MGLL: variants seen among roughly 807,000 people sequenced by gnomAD.
MGLL encodes lysophospholipase homolog.
In MGLL, 7 loss-of-function variants were observed where a neutral mutation model predicts 29.1. The ratio of observed to expected loss-of-function variants is 0.24; its 90% CI spans 0.14 to 0.45. MGLL has a LOEUF of 0.45. MGLL is among the 20% of genes least tolerant of loss of function. MGLL has a pLI of 0.99. For synonymous variants in MGLL, 148 were observed against 168.3 expected (o/e 0.88, Z 0.93); for missense variants, 356 against 413.6 (o/e 0.86, Z 1.21).
chr3:127,771,851 G>A (rs1445583306), intron 3 of MGLL, among the ~76,000 whole-genome samples: 1 of 152,132 alleles, frequency 6.6e-6, no homozygotes, highest in Non-Finnish European at 1.5e-5. Context: ...AACACCAGGG[G>A]CAGCATGTAT....
chr3:127,750,068 G>A (rs1020019319), intron 3 of MGLL, among the ~76,000 whole-genome samples: 1 of 152,126 alleles, frequency 6.6e-6, no homozygotes, highest in Non-Finnish European at 1.5e-5. Context: ...CGAGGGAGGT[G>A]GGAGACACAG....
intron 3 of MGLL, among the ~76,000 whole-genome samples, chr3:127,743,572 T>TAA (rs35691902): frequency 0.14 from 5,784 of 40,724 alleles, 1,074 homozygotes; most frequent in Non-Finnish European, 0.17. Flanking sequence ...CCACTAATGC[T>TAA]AAAAAAAAAA....
intron 2 of MGLL, among the ~76,000 whole-genome samples, chr3:127,786,737 G>A (rs2077220265): frequency 6.6e-6 from 1 of 152,200 alleles, no homozygotes; most frequent in Non-Finnish European, 1.5e-5. Context: ...GTGAAGTGGG[G>A]ATAATCCTAA....
At chr3:127,799,727 A>G (rs2077444579) in intron 2 of MGLL, among the ~76,000 whole-genome samples, 2 of 152,202 alleles carry the variant, frequency 1.3e-5, no homozygotes, top group South Asian at 4.1e-4. Flanking sequence ...CAAGCAGCTC[A>G]CTACAGTAGT....
intron 3 of MGLL, among the ~76,000 whole-genome samples, chr3:127,730,687 T>C (rs555546783): frequency 6.6e-6 from 1 of 152,304 alleles, no homozygotes; most frequent in South Asian, 2.1e-4. Flanking sequence ...TTCTTGCCCC[T>C]GTCACATGTG....
chr3:127,724,759 C>G (rs906482286), intron 3 of MGLL, among the ~76,000 whole-genome samples: 2 of 152,206 alleles, frequency 1.3e-5, no homozygotes, highest in African/African-American at 4.8e-5. Context: ...GTGTCAGGCT[C>G]CCTCTTCCCA....
intron 3 of MGLL, among the ~76,000 whole-genome samples, chr3:127,758,143 C>T (rs1276757820): frequency 6.6e-6 from 1 of 152,148 alleles, no homozygotes; most frequent in African/African-American, 2.4e-5. Context: ...CCCCCTTTTC[C>T]CCTGGTCATC....
At chr3:127,696,336 GGGA>G in intron 6 of MGLL, among the ~76,000 whole-genome samples, 1 of 150,148 alleles carries the variant, frequency 6.7e-6, no homozygotes, top group Non-Finnish European at 1.5e-5. Flanking sequence ...TACAGGATCG[GGGA>G]GAAGTTTCTA....
intron 5 of MGLL, among the ~76,000 whole-genome samples, chr3:127,717,831 T>G (rs2075844201): frequency 6.6e-6 from 1 of 152,140 alleles, no homozygotes; most frequent in African/African-American, 2.4e-5. Flanking sequence ...CACCTGGAGC[T>G]TTACACTCTT....
rs996560460 is a variant in MGLL, at chr3:127,691,763, G to A, written c.*435C>T. 1.3e-5 allele frequency: 3 copies of A among 225,696 alleles called. No homozygotes were observed. The highest frequency in any genetic ancestry group is 2.7e-5 in the Non-Finnish European group (3 of 112,382). 14.0% of individuals were successfully genotyped at this position (225,696 alleles called of 1,614,324 possible). ...CACCTCATCACACGGCCAGAGGAAG[G>A]CCACCAAGCGGAGGCTGGTCAGAGA... On this transcript the variant is annotated 3_prime_UTR_variant, in exon 8 of 8. Transcript: ENST00000265052.
At chr3:127,715,663 G>A in intron 5 of MGLL, 1 of 456,684 alleles carries the variant, frequency 2.2e-6, no homozygotes, top group Non-Finnish European at 4.4e-6. Context: ...AAGGAAAGCA[G>A]AACGGTTGAG....
At chr3:127,773,517 A>T (rs1440314508) in intron 3 of MGLL, among the ~76,000 whole-genome samples, 2 of 152,254 alleles carry the variant, frequency 1.3e-5, no homozygotes, top group Non-Finnish European at 2.9e-5. Context: ...ACCACAAGAC[A>T]GGAGAGGCCT....
intron 3 of MGLL, among the ~76,000 whole-genome samples, chr3:127,764,029 T>A (rs1037234526): frequency 3.9e-5 from 6 of 152,196 alleles, no homozygotes; most frequent in African/African-American, 9.7e-5. Context: ...GGAGCTTGCA[T>A]GCCACTGTCT....
chr3:127,740,771 G>A (rs144117258), intron 3 of MGLL, among the ~76,000 whole-genome samples: 4 of 152,392 alleles, frequency 2.6e-5, no homozygotes, highest in Non-Finnish European at 4.4e-5. Context: ...GAGGCTTGCA[G>A]GGGCCAAAAT....
chr3:127,785,403 C>A (rs746292842), intron 2 of MGLL, among the ~76,000 whole-genome samples: 14 of 152,246 alleles, frequency 9.2e-5, no homozygotes, highest in Non-Finnish European at 1.2e-4. Flanking sequence ...GATGGAAGGT[C>A]ACATTCACCA....
At chr3:127,692,471 G>C (rs956672254) in intron 7 of MGLL, 148 bp from the exon 8 acceptor site, 1 of 895,022 alleles carries the variant, frequency 1.1e-6, no homozygotes, top group East Asian at 2.6e-5. Flanking sequence ...CCATTATTAG[G>C]AGGCCAACAC....
chr3:127,740,308 T>C (rs1380478862), intron 3 of MGLL, among the ~76,000 whole-genome samples: 1 of 152,214 alleles, frequency 6.6e-6, no homozygotes, highest in African/African-American at 2.4e-5. Context: ...TGAAACGCGG[T>C]CCTTGTTCAG....
At chr3:127,739,439 T>G (rs1008264805) in intron 3 of MGLL, among the ~76,000 whole-genome samples, 1 of 152,190 alleles carries the variant, frequency 6.6e-6, no homozygotes, top group African/African-American at 2.4e-5. Context: ...CCAGAAATAA[T>G]TAAGTATTAT....
intron 6 of MGLL, among the ~76,000 whole-genome samples, chr3:127,706,899 G>A (rs964805970): frequency 6.6e-6 from 1 of 152,214 alleles, no homozygotes; most frequent in South Asian, 2.1e-4. Flanking sequence ...CAGCACGGCC[G>A]AGCTTTCCAA....
Sources: allele counts gnomAD v4.1 joint callset (sites outside exome capture counted in the v4.1 genomes callset), GRCh38; gene constraint gnomAD v4.1.1; transcripts MANE v1.5; gene names NCBI Gene and HGNC (gene_info 2026-07-23, HGNC 2026-07-21).